SGIP1: variants seen among roughly 807,000 people sequenced by gnomAD.
SGIP1 encodes SH3-containing GRB2-like protein 3-interacting protein 1.
SGIP1 carries 38 observed loss-of-function variants against 107.5 expected under a neutral mutation model. The ratio of observed to expected loss-of-function variants is 0.35; its 90% CI spans 0.27 to 0.46. SGIP1 has a LOEUF of 0.46. Among genes scored for constraint, SGIP1 ranks in the 20% least tolerant of loss-of-function variants. The pLI, the probability that SGIP1 is intolerant of heterozygous loss-of-function variation, is 1.00. For synonymous variants in SGIP1, 365 were observed against 366.1 expected, an observed-to-expected ratio of 1.00 and a Z score of 0.03; for missense variants, 929 against 1,019.5, an observed-to-expected ratio of 0.91 and a Z score of 1.21.
At chr1:66,550,891 CTATA>C (rs2057302683) in intron 1 of SGIP1, among the ~76,000 whole-genome samples, 2 of 152,116 alleles carry the variant, frequency 1.3e-5, no homozygotes, top group East Asian at 3.9e-4. Flanking sequence ...GATTCTCAAA[CTATA>C]TTGTGAAACA....
At chr1:66,571,686 C>G (rs762605439) in intron 1 of SGIP1, among the ~76,000 whole-genome samples, 30 of 152,144 alleles carry the variant, frequency 2.0e-4, no homozygotes, top group Admixed American at 2.6e-4. Context: ...CTACAGAACA[C>G]AATCTAAGCT....
intron 1 of SGIP1, among the ~76,000 whole-genome samples, chr1:66,623,167 C>G (rs1222476718): frequency 6.6e-6 from 1 of 152,068 alleles, no homozygotes; most frequent in Non-Finnish European, 1.5e-5. Context: ...ACTTTCATAA[C>G]TTCATTTGCT....
At chr1:66,737,823 G>T (rs188545470) in intron 21 of SGIP1, among the ~76,000 whole-genome samples, 16 of 152,252 alleles carry the variant, frequency 1.1e-4, no homozygotes, top group African/African-American at 3.9e-4. Context: ...TTTTGTTGTT[G>T]TTTTTCAACA....
intron 17 of SGIP1, among the ~76,000 whole-genome samples, chr1:66,691,022 GTCTC>G (rs1036256621): frequency 6.6e-6 from 1 of 152,086 alleles, no homozygotes; most frequent in Non-Finnish European, 1.5e-5. Context: ...TCCAAAGCTG[GTCTC>G]TCTCTTTTTC....
intron 1 of SGIP1, among the ~76,000 whole-genome samples, chr1:66,599,023 C>G (rs2065240827): frequency 6.6e-6 from 1 of 152,002 alleles, no homozygotes; most frequent in African/African-American, 2.4e-5. Flanking sequence ...AGTGTTCTAC[C>G]CAGGGCTCAG....
chr1:66,689,954 C>G (rs933350877), intron 16 of SGIP1, among the ~76,000 whole-genome samples: 2 of 152,172 alleles, frequency 1.3e-5, no homozygotes, highest in Non-Finnish European at 2.9e-5. Context: ...ACCCACTGAC[C>G]GTGTCACAGA....
chr1:66,729,434 G>A lies in SGIP1; in HGVS notation c.1898+15G>A. 6.2e-7 allele frequency: 1 copy of A among 1,613,856 alleles called. No homozygotes were observed. On this transcript the variant is annotated intron_variant, in intron 20 of 24. Coordinates refer to ENST00000371037, the MANE Select transcript of SGIP1 (RefSeq NM_032291.4). Reference sequence around the variant, plus strand: ...CTTCTCTGCTGGTAAATATGATTTTGCATAAATTTTTCAGAGATACATGTG... The same window carrying A: ...CTTCTCTGCTGGTAAATATGATTTTACATAAATTTTTCAGAGATACATGTG...
At chr1:66,630,313 A>G (rs2073985998) in intron 2 of SGIP1, among the ~76,000 whole-genome samples, 1 of 152,124 alleles carries the variant, frequency 6.6e-6, no homozygotes, top group Non-Finnish European at 1.5e-5. Flanking sequence ...AGCCAGGCCA[A>G]TCTCCGAGCT....
chr1:66,729,416 G>A lies in SGIP1; in HGVS notation c.1895G>A (p.Cys632Tyr). ...GTCCTGCCAAACCCCCAACTTCTCT[G>A]CTGGTAAATATGATTTTGCATAAAT... ...EHVLPNPQLL[C>Y]CDNTQNDANT... The change falls in exon 20 of 25, where the codon TGC becomes TAC. Residue 632 changes from cysteine to tyrosine, a missense_variant. This residue lies in a region of SGIP1 where 341 missense variants were observed against 430.9 expected (regional missense o/e 0.79). Transcript: ENST00000371037. 1.9e-6 allele frequency: 3 copies of A among 1,614,036 alleles called. No homozygotes were observed. Among genetic ancestry groups the A allele is most frequent in the South Asian group, 2.2e-5 (2 of 91,056 alleles).
chr1:66,599,914 T>C (rs2065442590), intron 1 of SGIP1, among the ~76,000 whole-genome samples: 1 of 151,998 alleles, frequency 6.6e-6, no homozygotes, highest in South Asian at 2.1e-4. Context: ...CTAAAGAGAG[T>C]CTAGATTTTC....
chr1:66,731,669 C>T (rs1431192432), intron 20 of SGIP1, among the ~76,000 whole-genome samples: 1 of 152,182 alleles, frequency 6.6e-6, no homozygotes, highest in Non-Finnish European at 1.5e-5. Flanking sequence ...TGCCACTCCA[C>T]TACCTCAACC....
chr1:66,742,460 C>CTTTTT lies in SGIP1; in HGVS notation c.2465-590_2465-586dup, dbSNP rs764080079. Among the ~76,000 whole-genome samples the CTTTTT allele has an allele frequency of 1.0e-3, 45 of 45,106 alleles. 8 individuals are homozygous for CTTTTT. Among genetic ancestry groups the CTTTTT allele is most frequent in the African/African-American group, 3.6e-3 (37 of 10,162 alleles). The allele number at this position is 45,106 out of a possible 152,430, so 29.6% of individuals were successfully genotyped here. A position where few individuals can be genotyped will look rare whatever the true frequency, so the allele number is the denominator to read the frequency against. On this transcript the variant is annotated intron_variant, in intron 24 of 24. Coordinates refer to ENST00000371037, the MANE Select transcript of SGIP1 (RefSeq NM_032291.4). ...AATATAAGTTATATGAGCACCCTTT[C>CTTTTT]TTTTTTTTTTTTTTTTTTTTTTTTT...
rs191097232 is a variant in SGIP1 at position 66,574,160 on chromosome 1, C to T, written c.10+39792C>T. 1.4e-4 allele frequency among the ~76,000 whole-genome samples: 22 copies of T among 152,250 alleles called. No homozygotes were observed. The East Asian group carries it at 3.1e-3, about 21-fold the overall frequency. On this transcript the variant is annotated intron_variant, in intron 1 of 24. Coordinates refer to ENST00000371037, the MANE Select transcript of SGIP1 (RefSeq NM_032291.4). ...CTTTCCATCCCTGTATCTCTAAGATCTCAGAGTCCTCTGTAATCATCTGGC... is the reference window on the plus strand; with the variant it reads ...CTTTCCATCCCTGTATCTCTAAGATTTCAGAGTCCTCTGTAATCATCTGGC...
chr1:66,622,890 C>T (rs1333361920), intron 1 of SGIP1, among the ~76,000 whole-genome samples: 1 of 152,162 alleles, frequency 6.6e-6, no homozygotes, highest in African/African-American at 2.4e-5. Flanking sequence ...ACCCTAGATG[C>T]AATTATATTG....
chr1:66,659,012 G>C (rs1196976602), intron 7 of SGIP1, among the ~76,000 whole-genome samples: 1 of 152,158 alleles, frequency 6.6e-6, no homozygotes, highest in Non-Finnish European at 1.5e-5. Flanking sequence ...AGAGTGCAGC[G>C]AAGTGCAGGC....
At chr1:66,685,363 C>T (rs1423675702) in intron 15 of SGIP1, among the ~76,000 whole-genome samples, 1 of 152,176 alleles carries the variant, frequency 6.6e-6, no homozygotes, top group Non-Finnish European at 1.5e-5. Flanking sequence ...ACTTCAATTT[C>T]CTTATGTCAA....
At chr1:66,609,823 A>G (rs924520506) in intron 1 of SGIP1, among the ~76,000 whole-genome samples, 1 of 152,228 alleles carries the variant, frequency 6.6e-6, no homozygotes, top group African/African-American at 2.4e-5. Context: ...AGAAAAAACA[A>G]AATACATTTG....
At chr1:66,653,696 T>C (rs1405057351) in intron 7 of SGIP1, among the ~76,000 whole-genome samples, 1 of 152,212 alleles carries the variant, frequency 6.6e-6, no homozygotes, top group Non-Finnish European at 1.5e-5. Flanking sequence ...TATTGACACA[T>C]TGTATAAAAT....
intron 19 of SGIP1, among the ~76,000 whole-genome samples, chr1:66,722,211 C>T (rs924459220): frequency 9.2e-5 from 14 of 152,152 alleles, no homozygotes; most frequent in Admixed American, 9.2e-4. Flanking sequence ...GTGAAATCTT[C>T]TCCTAGGTTC....
Sources: allele counts gnomAD v4.1 joint callset (sites outside exome capture counted in the v4.1 genomes callset), GRCh38; gene constraint gnomAD v4.1.1; regional missense constraint gnomAD v4.1.1; transcripts MANE v1.5; gene names NCBI Gene and HGNC (gene_info 2026-07-23, HGNC 2026-07-21).